The following TTLL10 variants were observed in gnomAD, a reference collection of about 807,000 sequenced individuals.
The protein encoded by TTLL10 is tubulin tyrosine ligase like 10, also known as inactive polyglycylase TTLL10.
In TTLL10, 61 loss-of-function variants were observed where a neutral mutation model predicts 69.0. The ratio of observed to expected loss-of-function variants is 0.88; its 90% CI spans 0.72 to 1.09. The LOEUF (loss-of-function observed/expected upper bound fraction) is 1.09, where lower values mean the gene tolerates loss of function less well. TTLL10 is among the 50% of genes least tolerant of loss of function. The pLI is 0.00. For synonymous variants in TTLL10, 408 were observed against 393.3 expected (o/e 1.04, Z -0.44); for missense variants, 962 against 945.9 (o/e 1.02, Z -0.22).
intron 4 of TTLL10, 125 bp from the exon 5 acceptor site, chr1:1,179,532 C>T (rs1646976472): frequency 3.4e-6 from 5 of 1,468,882 alleles, no homozygotes; most frequent in Admixed American, 2.1e-5. Context: ...TGTCGCGCTC[C>T]GCGGCCCAGG....
chr1:1,183,088 G>A (rs1647130335), intron 11 of TTLL10, 41 bp downstream of exon 11: 2 of 1,541,186 alleles, frequency 1.3e-6, no homozygotes, highest in East Asian at 2.4e-5. Flanking sequence ...GTCTGGGCTG[G>A]CTGACCCGGG....
chr1:1,175,302 G>A (rs1000491954), intron 3 of TTLL10: 13 of 235,230 alleles, frequency 5.5e-5, no homozygotes, highest in East Asian at 1.1e-4. Context: ...CAGAAGAGAC[G>A]GAGGCAGTTT....
At position 1,179,248 on chromosome 1, in the gene TTLL10, C is replaced by T. The variant is rs1224222565; in HGVS notation, c.33C>T (p.Arg11=). 2 of 1,549,938 alleles carry T rather than the reference C, an allele frequency of 1.3e-6. No individual in the cohort carries two copies. The highest frequency in any genetic ancestry group is 1.7e-6 in the Non-Finnish European group (2 of 1,146,452). Residue 11 remains arginine, a synonymous_variant, in exon 4 of 16, where the codon CGC becomes CGT. Coordinates refer to ENST00000379289, the MANE Select transcript of TTLL10 (RefSeq NM_001130045.2). MDHSCTRFIH[R]RGPPTRTRAG... ...ACAGCTGCACCCGGTTCATCCACCGCCGGGGACCACCCACTCGGACCCGAG... is the reference window on the plus strand; with the variant it reads ...ACAGCTGCACCCGGTTCATCCACCGTCGGGGACCACCCACTCGGACCCGAG...
At chr1:1,188,274 G>C (rs1647490584) in intron 13 of TTLL10, among the ~76,000 whole-genome samples, 1 of 150,416 alleles carries the variant, frequency 6.6e-6, no homozygotes, top group Non-Finnish European at 1.5e-5. Flanking sequence ...TCCTGAAATT[G>C]GGATATGTGA....
In TTLL10 at chr1:1,197,682, G is replaced by A. The variant is rs1219810855; in HGVS notation, c.1857G>A (p.Pro619=). 1.1e-5 allele frequency: 17 copies of A among 1,506,036 alleles called. No homozygotes were observed. The highest frequency in any genetic ancestry group is 4.4e-5 in the African/African-American group (3 of 68,636). The allele number at this position is 1,506,036 out of a possible 1,614,324, so 93.3% of individuals were successfully genotyped here. ...ARRPAPPPLV[P]QRPRPPGPDL... ...GGCCTGCGCCACCTCCCTTGGTGCC[G>A]CAGCGTCCCCGGCCACCCGGCCCCG... is the stretch of plus-strand genomic sequence containing the variant. Residue 619 remains proline, a synonymous_variant, in exon 16 of 16, where the codon CCG becomes CCA. Coordinates refer to ENST00000379289, the MANE Select transcript of TTLL10 (RefSeq NM_001130045.2).
At position 1,173,935 on chromosome 1, in the gene TTLL10, C is replaced by CGCCG. The variant is rs1427534864; in HGVS notation, c.-131+12_-131+15dup. On this transcript the variant is annotated intron_variant, in intron 1 of 15. Coordinates refer to ENST00000379289, the MANE Select transcript of TTLL10 (RefSeq NM_001130045.2). This position sits in a 1 kb window ranked among gnomAD's most constrained non-coding sequence, Gnocchi z 4.1. Reference sequence around the variant, plus strand: ...CCTTGTGGGCTGGGCAGGTAAGAAGCGCCGGCGGCCACCAGCTGGGGTCCA... The same window carrying CGCCG: ...CCTTGTGGGCTGGGCAGGTAAGAAGCGCCGGCCGGCGGCCACCAGCTGGGGTCCA... The CGCCG allele has an allele frequency of 6.6e-6, 1 of 152,194 alleles. No homozygotes were observed. Among genetic ancestry groups the CGCCG allele is most frequent in the African/African-American group, 2.4e-5 (1 of 41,398 alleles). 9.4% of individuals were successfully genotyped at this position (152,194 alleles called of 1,614,324 possible). A position where few individuals can be genotyped will look rare whatever the true frequency, so the allele number is the denominator to read the frequency against.
At chr1:1,189,726 TTTA>T (rs1302161322) in intron 13 of TTLL10, among the ~76,000 whole-genome samples, 3 of 152,100 alleles carry the variant, frequency 2.0e-5, no homozygotes, top group Non-Finnish European at 1.5e-5. Flanking sequence ...TGTGGGAAAG[TTTA>T]TTATTATTAT....
At chr1:1,174,700 C>A (rs1465090236) in intron 3 of TTLL10, 1 of 152,244 alleles carries the variant, frequency 6.6e-6, no homozygotes, top group Admixed American at 6.5e-5. Context: ...GTCAGAGACT[C>A]CAAAGCACAT....
rs1281100904 is a variant in TTLL10 at position 1,181,059 on chromosome 1, C to A, written c.755+199C>A. On this transcript the variant is annotated intron_variant, in intron 8 of 15. Transcript: ENST00000379289. This position sits in a 1 kb window ranked among gnomAD's most constrained non-coding sequence, Gnocchi z 4.6. ...GCCCCTGGCCACCTGGGCTCCCAGGCTGGCCCCAGCCCCCACCCGTCAGCA... is the reference window on the plus strand; with the variant it reads ...GCCCCTGGCCACCTGGGCTCCCAGGATGGCCCCAGCCCCCACCCGTCAGCA... Among the ~76,000 whole-genome samples the A allele has an allele frequency of 6.8e-6, 1 of 147,952 alleles. No individual in the cohort carries two copies. Among genetic ancestry groups the A allele is most frequent in the African/African-American group, 2.5e-5 (1 of 39,676 alleles).
At chr1:1,191,210 T>A (rs1647751503) in intron 13 of TTLL10, among the ~76,000 whole-genome samples, 1 of 152,244 alleles carries the variant, frequency 6.6e-6, no homozygotes, top group South Asian at 2.1e-4. Flanking sequence ...TTTGTGATTT[T>A]TCCAATTTTC....
At chr1:1,175,517 C>T in intron 3 of TTLL10, 1 of 371,844 alleles carries the variant, frequency 2.7e-6, no homozygotes, top group South Asian at 2.0e-5. Flanking sequence ...CGGGTGGTGC[C>T]CATTTGTTTT....
In TTLL10 at chr1:1,180,244, T is replaced by G; in HGVS notation, c.410T>G (p.Leu137Arg). ...AACGCCGCCGGGCCCTCAGCTGCCC[T>G]CCTGGAGGGGCTCCTGCTGGGGGGT... Reference protein sequence around the residue: ...DTNAAGPSAALLEGLLLGGGK... With the variant: ...DTNAAGPSAARLEGLLLGGGK... Residue 137 changes from leucine to arginine, a missense_variant, in exon 6 of 16, where the codon CTC becomes CGC. Physicochemically the swap from Leu to Arg is moderately radical, Grantham distance 102. Coordinates refer to ENST00000379289, the MANE Select transcript of TTLL10 (RefSeq NM_001130045.2). 2 of 1,605,598 alleles carry G rather than the reference T, an allele frequency of 1.2e-6. No homozygotes were observed. Among genetic ancestry groups the G allele is most frequent in the South Asian group, 2.2e-5 (2 of 89,906 alleles).
chr1:1,183,031 G>A lies in TTLL10; in HGVS notation c.1072G>A (p.Ala358Thr). 1.2e-6 allele frequency: 2 copies of A among 1,607,308 alleles called. No individual in the cohort carries two copies. The highest frequency in any genetic ancestry group is 1.7e-6 in the Non-Finnish European group (2 of 1,177,512). ...CAAGACGCCGTTCCGGGGGCCTCAG[G>A]CGCGGGTGGTGCAGAGGTGCGGCGG... ...HHKTPFRGPQ[A>T]RVVQRYIQNP... Residue 358 changes from alanine (A) to threonine (T), a missense_variant, in exon 11 of 16, where the codon GCG (alanine) becomes ACG (threonine). Transcript: ENST00000379289.
chr1:1,182,355 C>G lies in TTLL10; in HGVS notation c.831-6C>G, dbSNP rs1647097894. 6.2e-7 allele frequency: 1 copy of G among 1,613,078 alleles called. No homozygotes were observed. The highest frequency in any genetic ancestry group is 2.2e-5 in the East Asian group (1 of 44,862). ...CAGCTCATCCTCCTGCCTCCCTGCC[C>G]TGCAGGGTCCTGAGAATGGAAGAGT... On this transcript the variant is annotated splice_region_variant and splice_polypyrimidine_tract_variant and intron_variant, in intron 9 of 15. Transcript: ENST00000379289.
Position 1,197,468 on chromosome 1 carries a change from T to C in TTLL10, c.1643T>C (p.Leu548Pro). The change falls in exon 16 of 16, where the codon CTG (leucine) becomes CCG (proline). Residue 548 changes from leucine to proline, a missense_variant. Transcript: ENST00000379289. Reference protein sequence around the residue: ...DLVLETFRKSLRGQKMLPLLS... With the variant: ...DLVLETFRKSPRGQKMLPLLS... ...GTGCTCGAGACCTTCCGGAAGAGCC[T>C]GCGCGGCCAGAAGATGTTGCCTCTG... 6.5e-7 allele frequency: 1 copy of C among 1,528,888 alleles called. No individual in the cohort carries two copies. The highest frequency in any genetic ancestry group is 8.8e-7 in the Non-Finnish European group (1 of 1,135,308). The allele number at this position is 1,528,888 out of a possible 1,614,324, so 94.7% of individuals were successfully genotyped here. A position where few individuals can be genotyped will look rare whatever the true frequency, so the allele number is the denominator to read the frequency against.
chr1:1,182,272 C>T (rs1014832171), intron 9 of TTLL10, 89 bp from the exon 10 acceptor site: 33 of 1,194,808 alleles, frequency 2.8e-5, no homozygotes, highest in African/African-American at 4.5e-5. Context: ...CACACTCCCT[C>T]CCGCCGGGCC....
In TTLL10 at chr1:1,185,051, G is replaced by A. The variant is rs1320571; in HGVS notation, c.1343G>A (p.Ser448Asn). The change falls in exon 13 of 16, where the codon AGT becomes AAT. Residue 448 changes from serine to asparagine, a missense_variant. Transcript: ENST00000379289. The surrounding 1 kb of genome is among the most constrained non-coding windows in gnomAD (Gnocchi z 6.1). ...ATGGAACACCTCAACCGCTACATCAGTGACACGTTCTGGAAGGCCCGGGGC... is the reference window on the plus strand; with the variant it reads ...ATGGAACACCTCAACCGCTACATCAATGACACGTTCTGGAAGGCCCGGGGC... ...WSMEHLNRYISDTFWKARGLA... is the reference protein window; with the variant it reads ...WSMEHLNRYINDTFWKARGLA... The A allele has an allele frequency of 0.075, 121,238 of 1,613,420 alleles. 8,959 individuals are homozygous for A. Among genetic ancestry groups the A allele is most frequent in the African/African-American group, 0.33 (24,916 of 74,690 alleles).
intron 3 of TTLL10, chr1:1,175,454 G>C: frequency 2.8e-6 from 1 of 358,540 alleles, no homozygotes; most frequent in Non-Finnish European, 5.5e-6. Context: ...ACGCTGCCCT[G>C]TCCATATCAT....
intron 10 of TTLL10, among the ~76,000 whole-genome samples, 166 bp from the exon 11 acceptor site, chr1:1,182,710 C>G (rs566983549): frequency 2.0e-5 from 3 of 151,680 alleles, no homozygotes; most frequent in Non-Finnish European, 2.9e-5. Flanking sequence ...TGAGCGTGGT[C>G]GAGGCACGGG....
Sources: allele counts gnomAD v4.1 joint callset (sites outside exome capture counted in the v4.1 genomes callset), GRCh38; gene constraint gnomAD v4.1.1; non-coding constraint Gnocchi (gnomAD v3.1); transcripts MANE v1.5; gene names NCBI Gene and HGNC (gene_info 2026-07-23, HGNC 2026-07-21).